The following RAD54B variants were observed in gnomAD, a reference collection of about 807,000 sequenced individuals.
RAD54B encodes the protein DNA repair and recombination protein RAD54B.
RAD54B carries 78 observed loss-of-function variants against 95.8 expected under a neutral mutation model. The observed-to-expected ratio is 0.81, with a 90% CI of 0.68 to 0.98. The LOEUF (loss-of-function observed/expected upper bound fraction) is 0.98. Among genes scored for constraint, RAD54B ranks in the 50% least tolerant of loss-of-function variants. The pLI is 0.00. For missense variants in RAD54B, 957 were observed against 1,056.6 expected (o/e 0.91, Z 1.31); for synonymous variants, 328 against 354.9 (o/e 0.92, Z 0.85).
Position 94,378,397 on chromosome 8 carries a change from A to C in RAD54B, c.2315-17T>G. 1 of 1,597,510 alleles carries C rather than the reference A, an allele frequency of 6.3e-7. No individual in the cohort carries two copies. Among genetic ancestry groups the C allele is most frequent in the Non-Finnish European group, 8.5e-7 (1 of 1,169,742 alleles). Reference sequence around the variant, plus strand: ...CTATTGTACCTAAAGAGAAAACATTAATTAGATTTCCTTCAGATCTTTATG... The same window carrying C: ...CTATTGTACCTAAAGAGAAAACATTCATTAGATTTCCTTCAGATCTTTATG... On this transcript the variant is annotated splice_polypyrimidine_tract_variant and intron_variant, in intron 13 of 14. Transcript: ENST00000336148.
chr8:94,378,485 C>G, intron 13 of RAD54B, 83 bp downstream of exon 13: 8 of 1,436,890 alleles, frequency 5.6e-6, no homozygotes, highest in Non-Finnish European at 7.6e-6. Flanking sequence ...ACAATATATT[C>G]CTGACACTGA....
chr8:94,383,523 A>T (rs569961050), intron 11 of RAD54B, among the ~76,000 whole-genome samples: 19 of 152,204 alleles, frequency 1.2e-4, no homozygotes, highest in Non-Finnish European at 2.2e-4. Context: ...AAAGAAAGAG[A>T]GGATGCACAT....
At chr8:94,380,793 G>A (rs1017317848) in intron 11 of RAD54B, among the ~76,000 whole-genome samples, 2 of 152,200 alleles carry the variant, frequency 1.3e-5, no homozygotes, top group African/African-American at 4.8e-5. Context: ...GGAGATTCCA[G>A]TAAGAAACAA....
At chr8:94,440,201 T>TAAA (rs140489175) in intron 3 of RAD54B, among the ~76,000 whole-genome samples, 11 of 147,692 alleles carry the variant, frequency 7.4e-5, no homozygotes, top group African/African-American at 2.0e-4. Context: ...TAGGCAAGAT[T>TAAA]AAAAAAAAAA....
At chr8:94,465,066 G>A (rs572205325) in intron 2 of RAD54B, among the ~76,000 whole-genome samples, 42 of 152,172 alleles carry the variant, frequency 2.8e-4, no homozygotes, top group Non-Finnish European at 4.1e-4. Flanking sequence ...AACACTGGAG[G>A]TCACACTTCA....
At chr8:94,440,514 G>C (rs1812373654) in intron 3 of RAD54B, among the ~76,000 whole-genome samples, 1 of 152,198 alleles carries the variant, frequency 6.6e-6, no homozygotes, top group African/African-American at 2.4e-5. Flanking sequence ...CCAGTTTATG[G>C]AACTGGTAAA....
chr8:94,421,330 GCTTC>G (rs1464789934), intron 3 of RAD54B, among the ~76,000 whole-genome samples: 2 of 152,044 alleles, frequency 1.3e-5, no homozygotes, highest in African/African-American at 4.8e-5. Flanking sequence ...CTCTTTGCTT[GCTTC>G]TTCTTAGACA....
intron 14 of RAD54B, among the ~76,000 whole-genome samples, chr8:94,375,258 A>G (rs1453176631): frequency 6.6e-6 from 1 of 152,184 alleles, no homozygotes; most frequent in African/African-American, 2.4e-5. Flanking sequence ...TTGTACATCT[A>G]TGGATGATAT....
rs544707567 is a variant in RAD54B, at chr8:94,380,790, C to G, written c.1986-384G>C. 6.0e-4 allele frequency among the ~76,000 whole-genome samples: 92 copies of G among 152,240 alleles called. 1 individual carries two copies. The highest frequency in any genetic ancestry group is 2.2e-3 in the African/African-American group (91 of 41,540). On this transcript the variant is annotated intron_variant, in intron 11 of 14. Transcript: ENST00000336148. ...GCCTACATGCCCAAAGAGGGAGATT[C>G]CAGTAAGAAACAAATGAAAGTTCAT...
rs891939640 is a variant in RAD54B at position 94,436,763 on chromosome 8, G to A, written c.304+21505C>T. On this transcript the variant is annotated intron_variant, in intron 3 of 14. Transcript: ENST00000336148. ...CTATTCTTTTCTACTATTACTGAAT[G>A]TTTATTAGTGTGTTCTTCGAGAATT... 4 of 1,550,348 alleles carry A rather than the reference G, an allele frequency of 2.6e-6. No homozygotes were observed. The African/African-American group carries it at 4.1e-5, about 16-fold the overall frequency.
chr8:94,465,388 A>G (rs913140840), intron 2 of RAD54B, among the ~76,000 whole-genome samples: 1 of 152,228 alleles, frequency 6.6e-6, no homozygotes, highest in Non-Finnish European at 1.5e-5. Flanking sequence ...CAAATGGCCA[A>G]TAAGCACATG....
rs1002997517 is a variant in RAD54B at position 94,424,056 on chromosome 8, C to T, written c.305-12741G>A. Among the ~76,000 whole-genome samples the T allele has an allele frequency of 3.3e-5, 5 of 152,262 alleles. 1 individual carries two copies. In the South Asian group the frequency reaches 1.0e-3, roughly 32 times the overall value. ...AATGGATGTTATGTCCAAGACCCTCCCTGCCACCATCCCACCAGCTCCCAG... is the reference window on the plus strand; with the variant it reads ...AATGGATGTTATGTCCAAGACCCTCTCTGCCACCATCCCACCAGCTCCCAG... On this transcript the variant is annotated intron_variant, in intron 3 of 14. Coordinates refer to ENST00000336148, the MANE Select transcript of RAD54B (RefSeq NM_012415.3).
intron 5 of RAD54B, 76 bp downstream of exon 5, chr8:94,407,363 T>C (rs1811416015): frequency 9.9e-6 from 14 of 1,419,310 alleles, no homozygotes; most frequent in Non-Finnish European, 1.3e-5. Context: ...TAAAACAAAA[T>C]TTAAACTTCA....
At chr8:94,445,154 G>C (rs1178236478) in intron 3 of RAD54B, among the ~76,000 whole-genome samples, 1 of 152,030 alleles carries the variant, frequency 6.6e-6, no homozygotes, top group Non-Finnish European at 1.5e-5. Flanking sequence ...CCCATTTCCT[G>C]GTTCTTAGAT....
At chr8:94,395,426 C>T (rs1457411014) in intron 8 of RAD54B, among the ~76,000 whole-genome samples, 2 of 152,186 alleles carry the variant, frequency 1.3e-5, no homozygotes, top group African/African-American at 4.8e-5. Context: ...CCTGAAATCA[C>T]TCTAAGGCAA....
intron 3 of RAD54B, chr8:94,428,370 A>T: frequency 2.1e-6 from 2 of 963,272 alleles, no homozygotes; most frequent in Non-Finnish European, 2.5e-6. Flanking sequence ...ATCCCTCAGT[A>T]TCCAAGGGGG....
chr8:94,458,302 T>C lies in RAD54B; in HGVS notation c.270A>G (p.Ala90=), dbSNP rs1285225100. ...DNCSGKYCFE[A]PTLATLDPPH... Reference sequence around the variant, plus strand: ...GTGGATCTAATGTTGCCAGTGTAGGTGCTTCAAAACAATATTTTCCACTGC... The same window carrying C: ...GTGGATCTAATGTTGCCAGTGTAGGCGCTTCAAAACAATATTTTCCACTGC... Residue 90 remains alanine, a synonymous_variant, in exon 3 of 15, where the codon GCA becomes GCG. Coordinates refer to ENST00000336148, the MANE Select transcript of RAD54B (RefSeq NM_012415.3). The C allele has an allele frequency of 6.2e-7, 1 of 1,609,106 alleles. No homozygotes were observed. Among genetic ancestry groups the C allele is most frequent in the South Asian group, 1.1e-5 (1 of 89,260 alleles).
At chr8:94,373,367 T>TCCCA (rs1197929060) in intron 14 of RAD54B, among the ~76,000 whole-genome samples, 38 of 150,276 alleles carry the variant, frequency 2.5e-4, no homozygotes, top group African/African-American at 8.5e-4. Context: ...TAGTCACCTT[T>TCCCA]TCCAGCCTCC....
At chr8:94,447,694 A>G (rs1216838428) in intron 3 of RAD54B, among the ~76,000 whole-genome samples, 1 of 152,216 alleles carries the variant, frequency 6.6e-6, no homozygotes, top group Non-Finnish European at 1.5e-5. Flanking sequence ...GCAATAGCAC[A>G]AAGTTAGGAA....
Sources: allele counts gnomAD v4.1 joint callset (sites outside exome capture counted in the v4.1 genomes callset), GRCh38; gene constraint gnomAD v4.1.1; transcripts MANE v1.5; gene names NCBI Gene and HGNC (gene_info 2026-07-23, HGNC 2026-07-21).